The following ERC1 variants were observed in gnomAD, a reference collection of about 807,000 sequenced individuals.
ERC1 encodes the protein RAB6 interacting protein 2.
In ERC1, 56 loss-of-function variants were observed where a neutral mutation model predicts 132.0. The observed-to-expected ratio is 0.42, with a 90% CI of 0.34 to 0.53. The LOEUF (loss-of-function observed/expected upper bound fraction) is 0.53, where lower values mean the gene tolerates loss of function less well. Ranked by LOEUF, ERC1 falls within the 20% of genes least tolerant of loss-of-function variation. The pLI, the probability that ERC1 is intolerant of heterozygous loss-of-function variation, is 0.03. For missense variants in ERC1, 1,202 were observed against 1,349.9 expected (o/e 0.89, Z 1.72); for synonymous variants, 478 against 476.1 (o/e 1.00, Z -0.05).
chr12:1,074,553 C>G (rs1025865542), intron 2 of ERC1, among the ~76,000 whole-genome samples: 2 of 151,956 alleles, frequency 1.3e-5, no homozygotes, highest in African/African-American at 2.4e-5. Flanking sequence ...ACTTTGGCCT[C>G]CCAGAGTGCT....
At chr12:1,217,889 A>T (rs1958574016) in intron 12 of ERC1, among the ~76,000 whole-genome samples, 2 of 152,152 alleles carry the variant, frequency 1.3e-5, no homozygotes. Flanking sequence ...GTGTCTTCCT[A>T]CACTGCCTCT....
intron 3 of ERC1, among the ~76,000 whole-genome samples, chr12:1,093,975 A>ATTTTTTTC (rs1565949499): frequency 2.3e-5 from 3 of 131,002 alleles, no homozygotes; most frequent in South Asian, 2.5e-4. Context: ...ATATATATAT[A>ATTTTTTTC]TATATATATA....
chr12:1,093,973 A>ATTTTTTTC (rs1555236270), intron 3 of ERC1, among the ~76,000 whole-genome samples: 8 of 131,274 alleles, frequency 6.1e-5, no homozygotes, highest in African/African-American at 1.9e-4. Context: ...ATATATATAT[A>ATTTTTTTC]TATATATATA....
intron 7 of ERC1, among the ~76,000 whole-genome samples, chr12:1,137,220 T>C (rs1949344696): frequency 6.7e-6 from 1 of 149,608 alleles, no homozygotes; most frequent in Admixed American, 6.7e-5. Context: ...TGCCTCAGCC[T>C]CCCGAGTAGC....
chr12:1,154,481 ACTC>A (rs1951182368), intron 8 of ERC1, among the ~76,000 whole-genome samples: 1 of 151,808 alleles, frequency 6.6e-6, no homozygotes, highest in South Asian at 2.1e-4. Context: ...CACAGGGAAA[ACTC>A]CTCTGAACAT....
At chr12:1,255,039 A>T (rs2071101887) in intron 13 of ERC1, among the ~76,000 whole-genome samples, 1 of 151,068 alleles carries the variant, frequency 6.6e-6, no homozygotes, top group African/African-American at 2.4e-5. Context: ...GAGTTGCTGC[A>T]CCCATCAACC....
At chr12:1,392,408 T>G (rs1313700197) in intron 16 of ERC1, among the ~76,000 whole-genome samples, 1 of 152,238 alleles carries the variant, frequency 6.6e-6, no homozygotes, top group African/African-American at 2.4e-5. Flanking sequence ...GGCTTAGATA[T>G]CTAAGTAATC....
chr12:1,361,250 G>A (rs946913723), intron 15 of ERC1, among the ~76,000 whole-genome samples: 1 of 133,440 alleles, frequency 7.5e-6, no homozygotes, highest in African/African-American at 2.8e-5. Context: ...ACACACCGGG[G>A]ACTGTTGTGG....
At chr12:1,357,481 C>G (rs899005294) in intron 15 of ERC1, among the ~76,000 whole-genome samples, 1 of 152,178 alleles carries the variant, frequency 6.6e-6, no homozygotes, top group Admixed American at 6.5e-5. Flanking sequence ...TCTAAATAAG[C>G]AGAAGCATTC....
At chr12:1,307,497 A>G (rs1318320925) in intron 15 of ERC1, among the ~76,000 whole-genome samples, 1 of 152,242 alleles carries the variant, frequency 6.6e-6, no homozygotes, top group African/African-American at 2.4e-5. Flanking sequence ...TTTCTGTTGC[A>G]GCTGCTTGTC....
At chr12:1,126,579 A>G (rs1159242297) in intron 7 of ERC1, among the ~76,000 whole-genome samples, 13 of 152,242 alleles carry the variant, frequency 8.5e-5, no homozygotes, top group Admixed American at 8.5e-4. Flanking sequence ...TGTCTCCATC[A>G]AATTTAAGCA....
chr12:1,463,734 T>TGTGTGTGTGTG (rs1431465643), intron 18 of ERC1, among the ~76,000 whole-genome samples: 13 of 151,046 alleles, frequency 8.6e-5, no homozygotes, highest in African/African-American at 1.7e-4. Context: ...TGTGTGTGTC[T>TGTGTGTGTGTG]TGACAAACTG....
rs1555255042 is a variant in ERC1 at position 1,121,937 on chromosome 12, ATCTATCTCTATC to A, written c.1569+5930_1569+5941del. The stretch of plus-strand genomic sequence containing the variant: ...TATCTCTATCTCTATCTGTGTCTCT[ATCTATCTCTATC>A]TCTATCTCTATCTCTATCTCTATCT... On this transcript the variant is annotated intron_variant, in intron 7 of 18. Coordinates refer to ENST00000360905, the MANE Select transcript of ERC1 (RefSeq NM_178040.4). Among the ~76,000 whole-genome samples, 2 of 1,028 alleles carry A rather than the reference ATCTATCTCTATC, an allele frequency of 1.9e-3. 1 individual carries two copies. Among genetic ancestry groups the A allele is most frequent in the African/African-American group, 2.2e-3 (2 of 912 alleles). 0.7% of individuals were successfully genotyped at this position (1,028 alleles called of 152,430 possible). A position where few individuals can be genotyped will look rare whatever the true frequency, so the allele number is the denominator to read the frequency against.
intron 18 of ERC1, among the ~76,000 whole-genome samples, chr12:1,487,592 C>T (rs2094246739): frequency 6.6e-6 from 1 of 150,634 alleles, no homozygotes; most frequent in Non-Finnish European, 1.5e-5. Flanking sequence ...TGGTGGTACA[C>T]ATCTGTAATC....
chr12:1,380,434 C>G (rs570553959), intron 16 of ERC1: 1 of 152,380 alleles, frequency 6.6e-6, no homozygotes, highest in South Asian at 2.1e-4. Context: ...CAGATAAGCA[C>G]AAGGCAAATC....
chr12:1,050,207 T>C (rs1390303636), intron 2 of ERC1, among the ~76,000 whole-genome samples: 3 of 152,138 alleles, frequency 2.0e-5, no homozygotes, highest in Admixed American at 1.3e-4. Context: ...CCCTGGATTT[T>C]GGGACTTGGC....
chr12:1,140,644 A>G (rs1310991508), intron 7 of ERC1, among the ~76,000 whole-genome samples: 1 of 152,148 alleles, frequency 6.6e-6, no homozygotes, highest in African/African-American at 2.4e-5. Flanking sequence ...CCACGTTCAG[A>G]TAGGAAAAAT....
intron 16 of ERC1, among the ~76,000 whole-genome samples, chr12:1,397,839 C>T (rs546973523): frequency 1.3e-5 from 2 of 152,046 alleles, no homozygotes; most frequent in African/African-American, 4.8e-5. Flanking sequence ...AAAAGCAGTC[C>T]TTGAAATTTA....
At chr12:1,170,328 A>G (rs1952916105) in intron 8 of ERC1, among the ~76,000 whole-genome samples, 1 of 152,246 alleles carries the variant, frequency 6.6e-6, no homozygotes, top group Non-Finnish European at 1.5e-5. Context: ...TTATTACAAT[A>G]CAATGGATTT....
Sources: gnomAD v4.1 joint callset for allele counts (sites outside exome capture counted in the v4.1 genomes callset) on GRCh38, gnomAD v4.1.1 for gene constraint, MANE v1.5 for transcripts, NCBI Gene and HGNC (gene_info 2026-07-23, HGNC 2026-07-21) for gene names.